Variants in CADM3 observed in about 807,000 individuals in gnomAD.
The protein encoded by CADM3 is TSLC1-like 1.
In CADM3, 11 loss-of-function variants were observed where a neutral mutation model predicts 44.9. The observed-to-expected ratio is 0.25, with a 90% confidence interval of 0.15 to 0.41. The LOEUF (loss-of-function observed/expected upper bound fraction) is 0.41, where lower values mean the gene tolerates loss of function less well. Among genes scored for constraint, CADM3 ranks in the 10% least tolerant of loss-of-function variants. The pLI is 1.00. For missense variants in CADM3, 426 were observed against 512.0 expected (o/e 0.83, Z 1.62); for synonymous variants, 207 against 205.2 (o/e 1.01, Z -0.08).
chr1:159,172,180 C>T (rs1022861830), intron 1 of CADM3, among the ~76,000 whole-genome samples: 2 of 151,942 alleles, frequency 1.3e-5, no homozygotes, highest in African/African-American at 4.8e-5. Context: ...GTGTTGGTGT[C>T]TGGCTCTGCG....
intron 1 of CADM3, among the ~76,000 whole-genome samples, chr1:159,188,103 C>T (rs1557933846): frequency 6.6e-6 from 1 of 152,048 alleles, no homozygotes; most frequent in Non-Finnish European, 1.5e-5. Context: ...CCTAAAATCT[C>T]CTGGAAGCTG....
Position 159,171,770 on chromosome 1 carries a change from G to T in CADM3, c.5G>T (p.Gly2Val), listed in dbSNP as rs1053137397. ...GGGAGCCGGCCGGGAAGCGCGATGG[G>T]GGCCCCAGCCGCCTCGCTCCTGCTC... M[G>V]APAASLLLLL... The change falls in exon 1 of 9, where the codon GGG becomes GTG. Residue 2 changes from glycine to valine, a missense_variant. Gly to Val is a moderately radical substitution (Grantham distance 109). Transcript: ENST00000368125. 1.1e-5 allele frequency: 14 copies of T among 1,237,618 alleles called. No individual in the cohort carries two copies. Among genetic ancestry groups the T allele is most frequent in the Non-Finnish European group, 1.4e-5 (14 of 990,440 alleles). The allele number at this position is 1,237,618 out of a possible 1,614,324, so 76.7% of individuals were successfully genotyped here.
At chr1:159,173,860 A>T (rs969847827) in intron 1 of CADM3, among the ~76,000 whole-genome samples, 1 of 152,242 alleles carries the variant, frequency 6.6e-6, no homozygotes. Context: ...GACTAGAGTA[A>T]ATCAGTATAC....
At chr1:159,184,064 G>C (rs1344467701) in intron 1 of CADM3, among the ~76,000 whole-genome samples, 4 of 152,156 alleles carry the variant, frequency 2.6e-5, no homozygotes, top group African/African-American at 9.7e-5. Context: ...TCTTCCAAAT[G>C]CACAACCAAA....
In CADM3 at chr1:159,201,066, G is replaced by C. The variant is rs889809343; in HGVS notation, c.*144G>C. ...ACCCACCCCCCTGTACAGAATGTCT[G>C]CTTTGGGTGCGGTTTTGTACTCGGT... On this transcript the variant is annotated 3_prime_UTR_variant, in exon 9 of 9. Transcript: ENST00000368125. The C allele has an allele frequency of 2.7e-6, 1 of 365,396 alleles. No individual in the cohort carries two copies. The highest frequency in any genetic ancestry group is 2.6e-5 in the African/African-American group (1 of 38,396). 22.6% of individuals were successfully genotyped at this position (365,396 alleles called of 1,614,324 possible).
intron 1 of CADM3, among the ~76,000 whole-genome samples, chr1:159,190,696 T>C (rs1252550050): frequency 2.0e-5 from 3 of 152,146 alleles, no homozygotes; most frequent in African/African-American, 7.2e-5. Flanking sequence ...GGAGCACCCA[T>C]TGGCTATTTC....
rs1440285953 is a variant in CADM3, at chr1:159,203,296, A to C, written c.*2374A>C. 1 of 152,120 alleles carries C rather than the reference A, an allele frequency of 6.6e-6. No homozygotes were observed. Among genetic ancestry groups the C allele is most frequent in the Non-Finnish European group, 1.5e-5 (1 of 68,012 alleles). 9.4% of individuals were successfully genotyped at this position (152,120 alleles called of 1,614,324 possible). A position where few individuals can be genotyped will look rare whatever the true frequency, so the allele number is the denominator to read the frequency against. On this transcript the variant is annotated 3_prime_UTR_variant, in exon 9 of 9. Transcript: ENST00000368125. ...TCAAGAATATCTATGTACAGCAACA[A>C]TATAACTCTACAAGGGAGAGAAGTG... is the stretch of plus-strand genomic sequence containing the variant.
Position 159,202,352 on chromosome 1 carries a change from A to G in CADM3, c.*1430A>G, listed in dbSNP as rs1220315302. 1 of 152,660 alleles carries G rather than the reference A, an allele frequency of 6.6e-6. No individual in the cohort carries two copies. 9.5% of individuals were successfully genotyped at this position (152,660 alleles called of 1,614,324 possible). ...GTGTGTTTGCCCAGCTGTCCATTCT[A>G]TCTCTCCCTTAAACACAGAGCATTC... On this transcript the variant is annotated 3_prime_UTR_variant, in exon 9 of 9. Coordinates refer to ENST00000368125, the MANE Select transcript of CADM3 (RefSeq NM_001127173.3).
At chr1:159,199,222 G>A (rs367554597) in intron 7 of CADM3, among the ~76,000 whole-genome samples, 1 of 151,864 alleles carries the variant, frequency 6.6e-6, no homozygotes, top group African/African-American at 2.4e-5. Flanking sequence ...AGGGGAGCTG[G>A]CTCAGAATAT....
rs906336290 is a variant in CADM3, at chr1:159,171,715, C to G, written c.-51C>G. On this transcript the variant is annotated 5_prime_UTR_variant, in exon 1 of 9. Transcript: ENST00000368125. ...CCACCCCCTCCCCATCCCCAGCCCC[C>G]GGGGATTCAGGCTCGCCAGCGCCCA... The G allele has an allele frequency of 7.6e-5, 90 of 1,187,892 alleles. 1 individual carries two copies. Among genetic ancestry groups the G allele is most frequent in the Admixed American group, 7.2e-4 (17 of 23,642 alleles). 73.6% of individuals were successfully genotyped at this position (1,187,892 alleles called of 1,614,324 possible).
intron 1 of CADM3, among the ~76,000 whole-genome samples, chr1:159,173,155 G>A (rs1304974225): frequency 6.6e-6 from 1 of 151,342 alleles, no homozygotes; most frequent in Non-Finnish European, 1.5e-5. Flanking sequence ...AGAAAGAACC[G>A]CAGGGGAGGA....
chr1:159,179,534 CCTTT>C (rs1272398104), intron 1 of CADM3, among the ~76,000 whole-genome samples: 3 of 152,188 alleles, frequency 2.0e-5, no homozygotes, highest in African/African-American at 7.2e-5. Flanking sequence ...TCATTTCTCC[CCTTT>C]CTTCATATAC....
chr1:159,184,209 G>T (rs1379448122), intron 1 of CADM3, among the ~76,000 whole-genome samples: 2 of 152,154 alleles, frequency 1.3e-5, no homozygotes, highest in Non-Finnish European at 2.9e-5. Context: ...AAGAAGCTGG[G>T]GTTAGGGAAA....
At chr1:159,189,711 AG>A (rs1482554784) in intron 1 of CADM3, 3 of 1,269,342 alleles carry the variant, frequency 2.4e-6, no homozygotes, top group Non-Finnish European at 3.4e-6. Flanking sequence ...ATGAAAGTAG[AG>A]CCCCACACTG....
intron 1 of CADM3, 80 bp downstream of exon 1, chr1:159,171,933 G>A (rs1648826307): frequency 4.1e-6 from 4 of 964,896 alleles, no homozygotes; most frequent in Non-Finnish European, 5.4e-6. Context: ...CTCGCGGAAG[G>A]AGCCTGTTGG....
chr1:159,187,584 A>C (rs964963498), intron 1 of CADM3, among the ~76,000 whole-genome samples: 4 of 152,196 alleles, frequency 2.6e-5, no homozygotes, highest in Non-Finnish European at 5.9e-5. Flanking sequence ...GTCCTATACT[A>C]TGGTATGAGA....
intron 1 of CADM3, among the ~76,000 whole-genome samples, chr1:159,182,052 A>G (rs1649251070): frequency 7.1e-6 from 1 of 141,000 alleles, no homozygotes; most frequent in African/African-American, 2.9e-5. Flanking sequence ...GCAAGCACAC[A>G]GACAGACACA....
At chr1:159,177,246 CACAGTCTCTTGACTGTGTATCAACCAG>C (rs1318580068) in intron 1 of CADM3, among the ~76,000 whole-genome samples, 2 of 152,040 alleles carry the variant, frequency 1.3e-5, no homozygotes, top group Non-Finnish European at 1.5e-5. Context: ...CATTTTTCAG[CACAGTCTCTTGACTGTGTATCAACCAG>C]ACAGGTTCAA....
At chr1:159,183,430 A>G (rs959311418) in intron 1 of CADM3, among the ~76,000 whole-genome samples, 6 of 152,138 alleles carry the variant, frequency 3.9e-5, no homozygotes, top group African/African-American at 1.2e-4. Context: ...CAGCAACAGA[A>G]ATAATAGAGA....
Sources: gnomAD v4.1 joint callset for allele counts (sites outside exome capture counted in the v4.1 genomes callset) on GRCh38, gnomAD v4.1.1 for gene constraint, MANE v1.5 for transcripts, NCBI Gene and HGNC (gene_info 2026-07-23, HGNC 2026-07-21) for gene names.